Variants in SOX5 observed in about 807,000 individuals in gnomAD.
SOX5 encodes SRY-box transcription factor 5, also known as transcription factor SOX-5.
A neutral mutation model predicts 92.0 loss-of-function variants in SOX5; 9 were observed. That is an observed-to-expected ratio of 0.10 (90% CI 0.06 to 0.17). The LOEUF is 0.17. Ranked by LOEUF, SOX5 falls within the 10% of genes least tolerant of loss-of-function variation. SOX5 has a pLI of 1.00. For synonymous variants in SOX5, 344 were observed against 336.3 expected (o/e 1.02, Z -0.25); for missense variants, 642 against 944.5 (o/e 0.68, Z 4.20).
At chr12:23,798,315 GA>G (rs1319007022) in intron 3 of SOX5, among the ~76,000 whole-genome samples, 1 of 151,704 alleles carries the variant, frequency 6.6e-6, no homozygotes, top group Non-Finnish European at 1.5e-5. Flanking sequence ...TGTGCTGCCT[GA>G]AAAAAATACA....
intron 3 of SOX5, among the ~76,000 whole-genome samples, 158 bp from the exon 4 acceptor site, chr12:23,755,882 G>A (rs2094352828): frequency 6.6e-6 from 1 of 151,746 alleles, no homozygotes; most frequent in African/African-American, 2.4e-5. Context: ...AAAAAAGAAT[G>A]TGTCCTGTCA....
intron 1 of SOX5, among the ~76,000 whole-genome samples, chr12:24,491,476 A>C (rs1947069489): frequency 6.6e-6 from 1 of 152,166 alleles, no homozygotes; most frequent in Non-Finnish European, 1.5e-5. Context: ...AAAAAAAAAA[A>C]ATTCTCAACC....
At chr12:24,152,039 A>G (rs190581968) in intron 4 of SOX5, among the ~76,000 whole-genome samples, 1 of 152,238 alleles carries the variant, frequency 6.6e-6, no homozygotes, top group Admixed American at 6.5e-5. Context: ...TAAAACTCCC[A>G]GTCTTCCTCT....
At chr12:24,432,026 G>T (rs1030566767) in intron 1 of SOX5, among the ~76,000 whole-genome samples, 1 of 152,104 alleles carries the variant, frequency 6.6e-6, no homozygotes, top group Non-Finnish European at 1.5e-5. Context: ...TTGGCTTAGG[G>T]TTTCCTCGCA....
At chr12:24,306,884 C>T (rs948761005) in intron 2 of SOX5, among the ~76,000 whole-genome samples, 4 of 152,152 alleles carry the variant, frequency 2.6e-5, no homozygotes, top group Non-Finnish European at 5.9e-5. Flanking sequence ...GGAGAGAACA[C>T]AGCTGGAGAC....
At chr12:24,522,684 T>C (rs762107886) in intron 1 of SOX5, among the ~76,000 whole-genome samples, 2 of 151,974 alleles carry the variant, frequency 1.3e-5, no homozygotes, top group African/African-American at 2.4e-5. Flanking sequence ...GAGCATCTTA[T>C]AGATAAAGAA....
chr12:23,814,824 C>T (rs1191604901), intron 3 of SOX5, among the ~76,000 whole-genome samples: 1 of 152,106 alleles, frequency 6.6e-6, no homozygotes, highest in East Asian at 1.9e-4. Flanking sequence ...ATGTAACTAT[C>T]CATTAAAATA....
chr12:23,555,703 T>A (rs938373459), intron 11 of SOX5, among the ~76,000 whole-genome samples: 8 of 152,128 alleles, frequency 5.3e-5, no homozygotes, highest in African/African-American at 1.9e-4. Flanking sequence ...ACAAACTCCA[T>A]GAAGCAAATG....
intron 4 of SOX5, among the ~76,000 whole-genome samples, chr12:24,018,712 G>A (rs376169743): frequency 4.6e-5 from 7 of 152,138 alleles, no homozygotes; most frequent in Admixed American, 3.9e-4. Flanking sequence ...CAGGAGAATC[G>A]CTTGAACCTG....
chr12:24,364,529 T>TATATATATATAG, intron 2 of SOX5, among the ~76,000 whole-genome samples: 1 of 145,228 alleles, frequency 6.9e-6, no homozygotes, highest in African/African-American at 2.5e-5. Flanking sequence ...TATATATATA[T>TATATATATATAG]ATATATATAT....
In SOX5 at chr12:23,563,302, C is replaced by G; in HGVS notation, c.1444G>C (p.Ala482Pro). The G allele has an allele frequency of 1.2e-6, 2 of 1,613,944 alleles. No homozygotes were observed. The highest frequency in any genetic ancestry group is 3.3e-4 in the Middle Eastern group (2 of 6,062). ...REQQVLDGKV[A>P]VVNSLGLNNC... ...TTGAGACCCAGACTATTCACAACAG[C>G]CACCTTCCCATCAAGCACCTGTTGT... The change falls in exon 11 of 15, where the codon GCT becomes CCT. Residue 482 changes from alanine to proline, a missense_variant. By Grantham distance (27) the Ala-to-Pro change is conservative. Transcript: ENST00000451604.
At chr12:24,359,127 T>C (rs929693324) in intron 2 of SOX5, among the ~76,000 whole-genome samples, 1 of 152,208 alleles carries the variant, frequency 6.6e-6, no homozygotes, top group Non-Finnish European at 1.5e-5. Context: ...GAAATTCTCA[T>C]ATATTTCAAA....
Position 23,985,603 on chromosome 12 carries a change from G to A in SOX5, c.-1-89579C>T, listed in dbSNP as rs558356470. Among the ~76,000 whole-genome samples, 18 of 152,028 alleles carry A rather than the reference G, an allele frequency of 1.2e-4. 2 individuals are homozygous for A. In the South Asian group the frequency reaches 3.7e-3, roughly 32 times the overall value. On this transcript the variant is annotated intron_variant, in intron 4 of 4. Coordinates refer to the SOX5 transcript ENST00000446891. ...AACAGAAATAACAATGCTAAGTGAAGAGCCTTCATAGATACACATAGAAAC... is the reference window on the plus strand; with the variant it reads ...AACAGAAATAACAATGCTAAGTGAAAAGCCTTCATAGATACACATAGAAAC...
At chr12:23,640,377 A>G (rs1174405719) in intron 8 of SOX5, among the ~76,000 whole-genome samples, 1 of 152,196 alleles carries the variant, frequency 6.6e-6, no homozygotes, top group East Asian at 1.9e-4. Flanking sequence ...TGGTATTAGC[A>G]AGAGAACAAA....
At chr12:23,703,244 G>T (rs1256377385) in intron 6 of SOX5, among the ~76,000 whole-genome samples, 1 of 152,052 alleles carries the variant, frequency 6.6e-6, no homozygotes, top group Non-Finnish European at 1.5e-5. Flanking sequence ...TGAAGTAAAT[G>T]AGTGAAACAA....
In SOX5 at chr12:23,930,586, A is replaced by G. The variant is rs145794974; in HGVS notation, c.38+18978T>C. ...GCTGAATCCTCTGATAATATAGTCA[A>G]CATTTATTAGGTACTCAAAAGGTGA... On this transcript the variant is annotated intron_variant, in intron 1 of 14. Transcript: ENST00000451604. 3.1e-3 allele frequency among the ~76,000 whole-genome samples: 473 copies of G among 151,838 alleles called. 3 individuals are homozygous for G. Among genetic ancestry groups the G allele is most frequent in the African/African-American group, 0.01 (420 of 41,500 alleles).
intron 4 of SOX5, among the ~76,000 whole-genome samples, chr12:24,124,568 A>AAG (rs1188429390): frequency 7.3e-6 from 1 of 136,586 alleles, no homozygotes. Flanking sequence ...GGGACAAAAA[A>AAG]AAAAAAAGAA....
In SOX5 at chr12:24,066,750, A is replaced by G. The variant is rs555570994; in HGVS notation, c.-2+146593T>C. Among the ~76,000 whole-genome samples, 8 of 152,368 alleles carry G rather than the reference A, an allele frequency of 5.3e-5. No homozygotes were observed. The East Asian group carries it at 1.4e-3, about 26-fold the overall frequency. ...CATTCTTAAAAATGTTTTAAGGAAC[A>G]TAAGCAGGAAAATATTACACCTATT... On this transcript the variant is annotated intron_variant, in intron 4 of 4. Transcript: ENST00000446891.
At chr12:23,832,412 A>G (rs1016383579) in intron 3 of SOX5, among the ~76,000 whole-genome samples, 30 of 152,162 alleles carry the variant, frequency 2.0e-4, no homozygotes, top group African/African-American at 7.2e-4. Context: ...AGATATTTGC[A>G]GCTCTGAATC....
Sources: allele counts gnomAD v4.1 joint callset (sites outside exome capture counted in the v4.1 genomes callset), GRCh38; gene constraint gnomAD v4.1.1; transcripts MANE v1.5; gene names NCBI Gene and HGNC (gene_info 2026-07-23, HGNC 2026-07-21).